Variants in ECD observed in about 807,000 individuals in gnomAD.
ECD encodes the protein protein ecdysoneless homolog.
A neutral mutation model predicts 77.2 loss-of-function variants in ECD; 59 were observed. The ratio of observed to expected loss-of-function variants is 0.76; its 90% CI spans 0.62 to 0.95. ECD has a LOEUF of 0.95. ECD is among the 40% of genes least tolerant of loss of function. The probability of loss-of-function intolerance (pLI) is 0.00; values close to 1 mark genes in which losing one functional copy is unlikely to be tolerated. For synonymous variants in ECD, 233 were observed against 267.4 expected (o/e 0.87, Z 1.26); for missense variants, 704 against 763.4 (o/e 0.92, Z 0.92).
intron 11 of ECD, among the ~76,000 whole-genome samples, chr10:73,138,403 C>G (rs1320567711): frequency 6.6e-6 from 1 of 152,160 alleles, no homozygotes; most frequent in Non-Finnish European, 1.5e-5. Context: ...TTAAATAAAG[C>G]CTGTTCTTTT....
rs549500447 is a variant in ECD, at chr10:73,160,494, T to C, written c.263A>G (p.Glu88Gly). The C allele has an allele frequency of 1.2e-6, 2 of 1,612,056 alleles. No individual in the cohort carries two copies. Among genetic ancestry groups the C allele is most frequent in the Non-Finnish European group, 1.7e-6 (2 of 1,179,238 alleles). Residue 88 changes from glutamate to glycine, a missense_variant, in exon 3 of 14, where the codon GAA becomes GGA. By Grantham distance (98) the Glu-to-Gly change is moderately conservative. This residue lies in a region of ECD where 559 missense variants were observed against 583.7 expected (regional missense o/e 0.96). Transcript: ENST00000372979. ...CTTTATTACATAAACAATAAACCAT[T>C]CATCCTCAATGTTATCCCCAAACTT... ...VTKFGDNIED[E>G]WFIVYVIKQI...
At chr10:73,154,140 A>T in intron 6 of ECD, 116 bp downstream of exon 6, 4 of 1,048,628 alleles carry the variant, frequency 3.8e-6, no homozygotes, top group Non-Finnish European at 5.3e-6. Context: ...TTTCTAGAGA[A>T]CAATTAAAAT....
chr10:73,151,221 T>C (rs1843197924), intron 7 of ECD, among the ~76,000 whole-genome samples: 1 of 151,894 alleles, frequency 6.6e-6, no homozygotes, highest in Non-Finnish European at 1.5e-5. Context: ...TTCATGTCCT[T>C]TGTAGGGACA....
intron 3 of ECD, among the ~76,000 whole-genome samples, chr10:73,159,379 A>G (rs1267754394): frequency 2.0e-5 from 3 of 152,212 alleles, no homozygotes; most frequent in African/African-American, 7.2e-5. Flanking sequence ...AAATATAGCT[A>G]TGGTCTAGTA....
At chr10:73,149,029 A>G (rs1334110558) in intron 7 of ECD, among the ~76,000 whole-genome samples, 1 of 152,036 alleles carries the variant, frequency 6.6e-6, no homozygotes, top group Admixed American at 6.6e-5. Context: ...ACTACTCTAC[A>G]CCTTGCTTTT....
intron 3 of ECD, 131 bp downstream of exon 3, chr10:73,160,303 A>C: frequency 2.0e-6 from 1 of 512,690 alleles, no homozygotes; most frequent in Non-Finnish European, 3.1e-6. Flanking sequence ...AAAAAAGAGC[A>C]CAGATACTAT....
intron 9 of ECD, among the ~76,000 whole-genome samples, chr10:73,143,785 ATT>A (rs11306116): frequency 0.014 from 1,687 of 118,928 alleles, 17 homozygotes; most frequent in Non-Finnish European, 0.021. Context: ...CATTCGTTCT[ATT>A]TTTTTTTTTT....
intron 13 of ECD, among the ~76,000 whole-genome samples, chr10:73,135,374 A>G (rs964763191): frequency 6.6e-6 from 1 of 152,110 alleles, no homozygotes; most frequent in African/African-American, 2.4e-5. Flanking sequence ...TTGCTACCCA[A>G]AGCATTGTCC....
chr10:73,164,035 G>T, intron 1 of ECD, 85 bp from the exon 2 acceptor site: 1 of 1,245,124 alleles, frequency 8.0e-7, no homozygotes, highest in Non-Finnish European at 1.1e-6. Flanking sequence ...TATGAACACT[G>T]TTTTCTAAAA....
At chr10:73,144,036 G>T (rs951993110) in intron 9 of ECD, among the ~76,000 whole-genome samples, 1 of 152,018 alleles carries the variant, frequency 6.6e-6, no homozygotes, top group African/African-American at 2.4e-5. Context: ...CAGGGATGCT[G>T]TTAAATGTCC....
Position 73,139,481 on chromosome 10 carries a change from C to G in ECD, c.1249G>C (p.Asp417His). The change falls in exon 11 of 14, where the codon GAT (aspartate) becomes CAT (histidine). Residue 417 changes from aspartate (D) to histidine (H), a missense_variant. By Grantham distance (81) the Asp-to-His change is moderately conservative. Coordinates refer to ENST00000372979, the MANE Select transcript of ECD (RefSeq NM_007265.3). ...TGGTCCAGCTGATCTGGTGAGAGAT[C>G]TAACCACTGGTCATCTGAAAAAGAA... The part of the protein sequence containing the change: ...LPPEDDDQWL[D>H]LSPDQLDQLL... The G allele has an allele frequency of 1.2e-6, 2 of 1,613,530 alleles. No individual in the cohort carries two copies. Among genetic ancestry groups the G allele is most frequent in the Non-Finnish European group, 1.7e-6 (2 of 1,179,842 alleles).
intron 7 of ECD, 121 bp from the exon 8 acceptor site, chr10:73,148,525 T>C (rs1843157682): frequency 9.4e-7 from 1 of 1,059,560 alleles, no homozygotes; most frequent in Non-Finnish European, 1.3e-6. Context: ...ACATGGGCAT[T>C]TGGACAATTA....
At chr10:73,139,853 T>G in intron 9 of ECD, 116 bp from the exon 10 acceptor site, 1 of 627,484 alleles carries the variant, frequency 1.6e-6, no homozygotes, top group East Asian at 3.2e-5. Context: ...GGGAGTGTTT[T>G]TTTTTTTTTT....
chr10:73,160,689 A>C (rs1325723394), intron 2 of ECD, 138 bp from the exon 3 acceptor site: 1 of 563,230 alleles, frequency 1.8e-6, no homozygotes, highest in Non-Finnish European at 3.1e-6. Flanking sequence ...AATCCTGAAG[A>C]AGAAGCCTAC....
intron 7 of ECD, among the ~76,000 whole-genome samples, chr10:73,149,742 G>GT (rs1296172303): frequency 6.6e-6 from 1 of 152,118 alleles, no homozygotes; most frequent in Non-Finnish European, 1.5e-5. Context: ...TTACCCCACT[G>GT]TAAGTCAAGG....
At chr10:73,160,011 G>A (rs1050335919) in intron 3 of ECD, among the ~76,000 whole-genome samples, 8 of 151,594 alleles carry the variant, frequency 5.3e-5, no homozygotes, top group Non-Finnish European at 8.8e-5. Flanking sequence ...ATGGCTGGGC[G>A]CGGTGGCTTA....
At chr10:73,152,914 C>CA (rs146290115) in intron 6 of ECD, among the ~76,000 whole-genome samples, 4 of 148,790 alleles carry the variant, frequency 2.7e-5, no homozygotes, top group African/African-American at 5.1e-5. Context: ...GACACTGTTG[C>CA]AAAAAAAATT....
chr10:73,134,683 G>C lies in ECD; in HGVS notation c.1835C>G (p.Ala612Gly). The C allele has an allele frequency of 6.2e-7, 1 of 1,614,204 alleles. No individual in the cohort carries two copies. The highest frequency in any genetic ancestry group is 8.5e-7 in the Non-Finnish European group (1 of 1,180,030). Residue 612 changes from alanine (A) to glycine (G), a missense_variant, in exon 14 of 14, where the codon GCT (alanine) becomes GGT (glycine). This residue lies in a region of ECD where 142 missense variants were observed against 163.6 expected (regional missense o/e 0.87). Coordinates refer to ENST00000372979, the MANE Select transcript of ECD (RefSeq NM_007265.3). ...SNILESYSSQ[A>G]GLAGPASNLL... ...ATTGGAAGCAGGTCCTGCCAGTCCA[G>C]CTTGGGAGCTATAGGATTCCAATAT...
At chr10:73,153,624 C>T (rs2133264394) in intron 6 of ECD, among the ~76,000 whole-genome samples, 1 of 145,776 alleles carries the variant, frequency 6.9e-6, no homozygotes, top group African/African-American at 2.5e-5. Context: ...CCCAGCTACT[C>T]GGGAGGCAGG....
Sources: gnomAD v4.1 joint callset for allele counts (sites outside exome capture counted in the v4.1 genomes callset) on GRCh38, gnomAD v4.1.1 for gene constraint, gnomAD v4.1.1 regional missense constraint, MANE v1.5 for transcripts, NCBI Gene and HGNC (gene_info 2026-07-23, HGNC 2026-07-21) for gene names.